The following IREB2 variants were observed in gnomAD, a reference collection of about 807,000 sequenced individuals.
The protein encoded by IREB2 is iron responsive element binding protein 2.
In IREB2, 39 loss-of-function variants were observed where a neutral mutation model predicts 118.8. That is an observed-to-expected ratio of 0.33 (90% CI 0.25 to 0.43). The LOEUF is 0.43. IREB2 is among the 20% of genes least tolerant of loss of function. IREB2 has a pLI of 1.00. For synonymous variants in IREB2, 372 were observed against 392.2 expected, an observed-to-expected ratio of 0.95 and a Z score of 0.61; for missense variants, 900 against 1,147.3, an observed-to-expected ratio of 0.78 and a Z score of 3.11.
At position 78,438,466 on chromosome 15, in the gene IREB2, CG is replaced by C. The variant is rs772470701; in HGVS notation, c.19+114del. 3.9e-4 allele frequency: 496 copies of C among 1,276,630 alleles called. 1 individual carries two copies. Among genetic ancestry groups the C allele is most frequent in the South Asian group, 7.7e-4 (60 of 78,276 alleles). The allele number at this position is 1,276,630 out of a possible 1,614,324, so 79.1% of individuals were successfully genotyped here. The stretch of plus-strand genomic sequence containing the variant: ...GTCGCTCGGCAGGCGCCCAGGCCCT[CG>C]GGGCTCGGGTTGTGCTCCCCTCGGG... On this transcript the variant is annotated intron_variant, in intron 1 of 21. Transcript: ENST00000258886.
At chr15:78,492,657 T>A (rs1267129649) in intron 18 of IREB2, among the ~76,000 whole-genome samples, 3 of 152,234 alleles carry the variant, frequency 2.0e-5, no homozygotes, top group Admixed American at 1.3e-4. Flanking sequence ...ACTCGTGGGC[T>A]CAAGCACTCC....
At position 78,487,832 on chromosome 15, in the gene IREB2, T is replaced by C; in HGVS notation, c.1794+15T>C. 1 of 1,439,492 alleles carries C rather than the reference T, an allele frequency of 6.9e-7. No individual in the cohort carries two copies. Among genetic ancestry groups the C allele is most frequent in the Non-Finnish European group, 9.8e-7 (1 of 1,023,830 alleles). The allele number at this position is 1,439,492 out of a possible 1,614,324, so 89.2% of individuals were successfully genotyped here. A position where few individuals can be genotyped will look rare whatever the true frequency, so the allele number is the denominator to read the frequency against. Reference sequence around the variant, plus strand: ...CAGTAAAACAGGTAAAATGTGTGGATTGGCAAGACATCTAAATGATTTTCT... The same window carrying C: ...CAGTAAAACAGGTAAAATGTGTGGACTGGCAAGACATCTAAATGATTTTCT... On this transcript the variant is annotated intron_variant, in intron 14 of 21. Transcript: ENST00000258886.
chr15:78,486,611 A>G (rs12903285), intron 13 of IREB2, among the ~76,000 whole-genome samples: 79,128 of 149,394 alleles, frequency 0.53, 21,475 homozygotes, highest in Non-Finnish European at 0.62. Context: ...TCTCAAAAAG[A>G]AAAAAAAAAA....
chr15:78,451,278 T>C (rs113910990), intron 2 of IREB2, among the ~76,000 whole-genome samples: 67 of 152,184 alleles, frequency 4.4e-4, no homozygotes, highest in African/African-American at 8.4e-4. Context: ...CATTCACTTT[T>C]GAGAAACTTT....
At chr15:78,469,857 C>A (rs1201676652) in intron 5 of IREB2, among the ~76,000 whole-genome samples, 1 of 152,144 alleles carries the variant, frequency 6.6e-6, no homozygotes, top group African/African-American at 2.4e-5. Context: ...GTAAAAGAAG[C>A]AGCTTAAAGC....
chr15:78,441,340 G>A (rs1176112086), intron 2 of IREB2, among the ~76,000 whole-genome samples: 1 of 152,188 alleles, frequency 6.6e-6, no homozygotes, highest in African/African-American at 2.4e-5. Context: ...TTTTCTTAAT[G>A]TATGTCTTTC....
At chr15:78,450,662 G>T (rs1299335072) in intron 2 of IREB2, among the ~76,000 whole-genome samples, 5 of 152,120 alleles carry the variant, frequency 3.3e-5, no homozygotes, top group Non-Finnish European at 2.9e-5. Flanking sequence ...TATGACCCTC[G>T]AGGCAGCTTA....
At chr15:78,493,817 G>T in intron 18 of IREB2, 92 bp from the exon 19 acceptor site, 1 of 1,207,556 alleles carries the variant, frequency 8.3e-7, no homozygotes. Flanking sequence ...AATTTTCTGT[G>T]ATAAAAAAAT....
intron 16 of IREB2, among the ~76,000 whole-genome samples, chr15:78,489,310 C>T (rs1190827450): frequency 6.6e-6 from 1 of 151,778 alleles, no homozygotes; most frequent in Non-Finnish European, 1.5e-5. Context: ...ACCACCATGG[C>T]ACACATTTAC....
intron 3 of IREB2, among the ~76,000 whole-genome samples, chr15:78,464,588 C>G (rs1308644145): frequency 6.6e-6 from 1 of 152,146 alleles, no homozygotes; most frequent in African/African-American, 2.4e-5. Context: ...ATGTTGAAAA[C>G]TTGATCTTAT....
intron 10 of IREB2, among the ~76,000 whole-genome samples, chr15:78,479,806 A>C (rs1480610666): frequency 6.6e-6 from 1 of 152,094 alleles, no homozygotes; most frequent in East Asian, 1.9e-4. Context: ...CCGTGGTTCC[A>C]CATCCTCAGG....
At chr15:78,438,486 C>T (rs2050790578) in intron 1 of IREB2, 130 bp downstream of exon 1, 3 of 1,045,226 alleles carry the variant, frequency 2.9e-6, no homozygotes, top group East Asian at 5.2e-5. Flanking sequence ...GTTGTGCTCC[C>T]CTCGGGGCCT....
At chr15:78,446,937 A>G (rs1461647037) in intron 2 of IREB2, among the ~76,000 whole-genome samples, 2 of 152,162 alleles carry the variant, frequency 1.3e-5, no homozygotes, top group Admixed American at 1.3e-4. Flanking sequence ...TCAATAGTAG[A>G]TATTATTTTT....
chr15:78,492,247 AC>A (rs974921412), intron 18 of IREB2, among the ~76,000 whole-genome samples: 17 of 151,992 alleles, frequency 1.1e-4, no homozygotes, highest in African/African-American at 4.1e-4. Flanking sequence ...CAGTAGCAAT[AC>A]CCCCCGCACC....
chr15:78,479,236 A>C lies in IREB2; in HGVS notation c.1296+839A>C, dbSNP rs1218654022. ...TGGCCTCCCAGAGTGCTGGGATTACAGGCATGAGCCACTGGACCTGGCTGA... is the reference window on the plus strand; with the variant it reads ...TGGCCTCCCAGAGTGCTGGGATTACCGGCATGAGCCACTGGACCTGGCTGA... On this transcript the variant is annotated intron_variant, in intron 10 of 21. Coordinates refer to ENST00000258886, the MANE Select transcript of IREB2 (RefSeq NM_004136.4). Among the ~76,000 whole-genome samples the C allele has an allele frequency of 2.6e-5, 4 of 152,228 alleles. No individual in the cohort carries two copies. The East Asian group carries it at 7.7e-4, about 29-fold the overall frequency.
chr15:78,472,280 A>G (rs1303285363), intron 7 of IREB2, among the ~76,000 whole-genome samples: 3 of 152,020 alleles, frequency 2.0e-5, no homozygotes, highest in Non-Finnish European at 1.5e-5. Flanking sequence ...TATACAAGGC[A>G]TGTCCCTTTA....
intron 20 of IREB2, among the ~76,000 whole-genome samples, chr15:78,496,611 T>A (rs1410449960): frequency 6.6e-6 from 1 of 152,102 alleles, no homozygotes; most frequent in African/African-American, 2.4e-5. Flanking sequence ...TTATGTTTTG[T>A]AGAGACAGGG....
chr15:78,463,002 G>A lies in IREB2; in HGVS notation c.187G>A (p.Val63Ile), dbSNP rs766033332. 6.2e-7 allele frequency: 1 copy of A among 1,613,698 alleles called. No homozygotes were observed. Among genetic ancestry groups the A allele is most frequent in the Non-Finnish European group, 8.5e-7 (1 of 1,179,810 alleles). The change falls in exon 3 of 22, where the codon GTT becomes ATT. Residue 63 changes from valine (V) to isoleucine (I), a missense_variant. Physicochemically the swap from Val to Ile is conservative, Grantham distance 29 (BLOSUM62 3). Transcript: ENST00000258886. ...TGGCTTTTTAATGAAGAAGGAAGAT[G>A]TTATGAACATTTTAGACTGGAAAAC... is the stretch of plus-strand genomic sequence containing the variant. The part of the protein sequence containing the change: ...CDGFLMKKED[V>I]MNILDWKTKQ...
chr15:78,442,223 T>C (rs923619082), intron 2 of IREB2, among the ~76,000 whole-genome samples: 1 of 148,154 alleles, frequency 6.7e-6, no homozygotes, highest in African/African-American at 2.5e-5. Context: ...AGAGTGCTTA[T>C]TATGAGAGGT....
Sources: allele counts gnomAD v4.1 joint callset (sites outside exome capture counted in the v4.1 genomes callset), GRCh38; gene constraint gnomAD v4.1.1; transcripts MANE v1.5; gene names NCBI Gene and HGNC (gene_info 2026-07-23, HGNC 2026-07-21).